PCDH15: variants seen among roughly 807,000 people sequenced by gnomAD.
PCDH15 encodes the protein protocadherin-15.
A neutral mutation model predicts 178.5 loss-of-function variants in PCDH15; 129 were observed. The ratio of observed to expected loss-of-function variants is 0.72; its 90% CI spans 0.63 to 0.84. The LOEUF is 0.84. Ranked by LOEUF, PCDH15 falls within the 40% of genes least tolerant of loss-of-function variation. The probability of loss-of-function intolerance (pLI) is 0.00; values close to 1 mark genes in which losing one functional copy is unlikely to be tolerated. For synonymous variants in PCDH15, 800 were observed against 732.0 expected (o/e 1.09, Z -1.50); for missense variants, 2,230 against 2,099.9 (o/e 1.06, Z -1.21).
chr10:54,720,201 C>T (rs11004486), intron 1 of PCDH15, among the ~76,000 whole-genome samples: 18,512 of 151,812 alleles, frequency 0.12, 1,258 homozygotes, highest in African/African-American at 0.17. Flanking sequence ...TGGGTATATA[C>T]CCAAAGGAAT....
intron 2 of PCDH15, among the ~76,000 whole-genome samples, chr10:55,419,204 T>C (rs1269948670): frequency 6.6e-6 from 1 of 151,718 alleles, no homozygotes; most frequent in Non-Finnish European, 1.5e-5. Flanking sequence ...GGAGGCCAGT[T>C]TGACGGAGCT....
intron 2 of PCDH15, among the ~76,000 whole-genome samples, chr10:55,561,503 G>A (rs966485806): frequency 6.6e-6 from 1 of 151,832 alleles, no homozygotes; most frequent in Non-Finnish European, 1.5e-5. Context: ...TTTTTCAGGT[G>A]TCTTAACTAT....
At chr10:55,217,163 G>A (rs1317083665) in intron 1 of PCDH15, among the ~76,000 whole-genome samples, 1 of 151,852 alleles carries the variant, frequency 6.6e-6, no homozygotes, top group African/African-American at 2.4e-5. Context: ...TGATATATAT[G>A]ACACTGTAAA....
intron 37 of PCDH15, 36 bp downstream of exon 37, chr10:53,810,520 G>A (rs759733965): frequency 6.4e-7 from 1 of 1,568,014 alleles, no homozygotes; most frequent in Non-Finnish European, 8.8e-7. Flanking sequence ...ATTTTTCTTG[G>A]AATATTATCT....
chr10:54,103,529 ATAAAT>A (rs1480332898), intron 15 of PCDH15, among the ~76,000 whole-genome samples: 1 of 152,188 alleles, frequency 6.6e-6, no homozygotes, highest in Non-Finnish European at 1.5e-5. Flanking sequence ...TGCTGCCCTC[ATAAAT>A]CTCTTTTGCA....
At chr10:55,381,426 T>C (rs1837531239) in intron 2 of PCDH15, among the ~76,000 whole-genome samples, 1 of 152,120 alleles carries the variant, frequency 6.6e-6, no homozygotes, top group African/African-American at 2.4e-5. Context: ...TGATGTCAAC[T>C]GCTTTAAAGA....
intron 14 of PCDH15, among the ~76,000 whole-genome samples, chr10:54,137,999 C>T (rs1247796229): frequency 6.6e-6 from 1 of 152,122 alleles, no homozygotes; most frequent in Non-Finnish European, 1.5e-5. Flanking sequence ...CCCCCAACTA[C>T]ATTCCTGATT....
In PCDH15 at chr10:55,074,916, T is replaced by C. The variant is rs149968010; in HGVS notation, c.-80+91660A>G. On this transcript the variant is annotated intron_variant, in intron 2 of 5. Transcript: ENST00000458638. ...TATAAGGTATATGGAAGGGGTCCAGTTTCAGTTTCCTATGGATGGCTAGCC... is the reference window on the plus strand; with the variant it reads ...TATAAGGTATATGGAAGGGGTCCAGCTTCAGTTTCCTATGGATGGCTAGCC... 3.4e-3 allele frequency among the ~76,000 whole-genome samples: 521 copies of C among 152,300 alleles called. 4 individuals are homozygous for C. Among genetic ancestry groups the C allele is most frequent in the African/African-American group, 0.012 (487 of 41,550 alleles).
At chr10:54,932,818 T>C (rs1464195805) in intron 2 of PCDH15, among the ~76,000 whole-genome samples, 1 of 152,104 alleles carries the variant, frequency 6.6e-6, no homozygotes, top group African/African-American at 2.4e-5. Context: ...ATTACAGATG[T>C]GAGCCACTGC....
At position 54,760,020 on chromosome 10, in the gene PCDH15, G is replaced by A. The variant is rs563792688; in HGVS notation, c.-29+40905C>T. On this transcript the variant is annotated intron_variant, in intron 1 of 37. Transcript: ENST00000644397. ...CAGTTCATACTGATCTCAGCAGATA[G>A]CGATATAAACAGATACTTGGCTCAT... 7.2e-5 allele frequency among the ~76,000 whole-genome samples: 11 copies of A among 152,262 alleles called. No homozygotes were observed. In the South Asian group the frequency reaches 1.9e-3, roughly 26 times the overall value.
upstream of PCDH15, among the ~76,000 whole-genome samples, chr10:55,322,718 C>A (rs1843930178): frequency 6.6e-6 from 1 of 150,528 alleles, no homozygotes; most frequent in Admixed American, 6.6e-5. Flanking sequence ...TTTAGGGTAT[C>A]TGGCAGAAGG....
chr10:55,208,225 TA>T (rs1476598711), intron 1 of PCDH15, among the ~76,000 whole-genome samples: 2 of 152,084 alleles, frequency 1.3e-5, no homozygotes, highest in Non-Finnish European at 2.9e-5. Context: ...TGTTGCCCAC[TA>T]AATAAATAAA....
At chr10:54,248,801 T>C (rs939399412) in intron 8 of PCDH15, among the ~76,000 whole-genome samples, 1 of 152,072 alleles carries the variant, frequency 6.6e-6, no homozygotes, top group Non-Finnish European at 1.5e-5. Context: ...TTGATCCAAG[T>C]ATCAAATGTG....
intron 2 of PCDH15, among the ~76,000 whole-genome samples, chr10:54,617,776 A>AT (rs1427117622): frequency 6.9e-5 from 10 of 145,444 alleles, no homozygotes; most frequent in African/African-American, 2.5e-4. Context: ...AAAAAAAAAA[A>AT]TTAGTCAGGC....
chr10:53,877,148 T>G (rs1401162362), intron 26 of PCDH15, among the ~76,000 whole-genome samples: 3 of 152,134 alleles, frequency 2.0e-5, no homozygotes, highest in African/African-American at 7.2e-5. Flanking sequence ...TGAAGTTTCC[T>G]TTTTTATTTT....
chr10:55,358,067 G>T (rs1309463667), intron 2 of PCDH15, among the ~76,000 whole-genome samples: 1 of 152,054 alleles, frequency 6.6e-6, no homozygotes, highest in African/African-American at 2.4e-5. Flanking sequence ...TGAAGTGGGG[G>T]TGAAGAGCTC....
At chr10:54,867,758 A>G (rs1275455664) in intron 3 of PCDH15, among the ~76,000 whole-genome samples, 2 of 152,102 alleles carry the variant, frequency 1.3e-5, no homozygotes, top group Non-Finnish European at 2.9e-5. Context: ...GTACCAAAAC[A>G]TCGAGTTTAT....
chr10:54,580,559 C>CA (rs2090940345), intron 2 of PCDH15, among the ~76,000 whole-genome samples: 1 of 151,886 alleles, frequency 6.6e-6, no homozygotes, highest in East Asian at 1.9e-4. Flanking sequence ...GACACTATTA[C>CA]AAAAAATTAA....
intron 1 of PCDH15, among the ~76,000 whole-genome samples, chr10:54,762,298 G>C (rs373032296): frequency 6.6e-6 from 1 of 152,066 alleles, no homozygotes; most frequent in Non-Finnish European, 1.5e-5. Flanking sequence ...GGAGATATTA[G>C]CAGAACATGT....
Sources: gnomAD v4.1 joint callset for allele counts (sites outside exome capture counted in the v4.1 genomes callset) on GRCh38, gnomAD v4.1.1 for gene constraint, MANE v1.5 for transcripts, NCBI Gene and HGNC (gene_info 2026-07-23, HGNC 2026-07-21) for gene names.